Variants in PLEKHM1 observed in about 807,000 individuals in gnomAD.
The protein encoded by PLEKHM1 is pleckstrin homology domain-containing family M member 1.
Under a neutral mutation model 94.3 loss-of-function variants are expected in PLEKHM1, and 28 were observed. The observed-to-expected ratio is 0.30, with a 90% CI of 0.22 to 0.41. The LOEUF is 0.41. Ranked by LOEUF, PLEKHM1 falls within the 10% of genes least tolerant of loss-of-function variation. The probability of loss-of-function intolerance (pLI) is 1.00; values close to 1 mark genes in which losing one functional copy is unlikely to be tolerated. For missense variants in PLEKHM1, 907 were observed against 1,358.6 expected, an observed-to-expected ratio of 0.67 and a Z score of 5.22; for synonymous variants, 424 against 581.2, an observed-to-expected ratio of 0.73 and a Z score of 3.89.
rs1166718923 is a variant in PLEKHM1 at position 45,486,543 on chromosome 17, C to A, written c.-41-4018G>T. ...GAGCCAAGATTGTGCCACTGCACCCCAGCTTGGGCAACAGAGCGAGACTCC... is the reference window on the plus strand; with the variant it reads ...GAGCCAAGATTGTGCCACTGCACCCAAGCTTGGGCAACAGAGCGAGACTCC... On this transcript the variant is annotated intron_variant, in intron 1 of 11. Coordinates refer to ENST00000430334, the MANE Select transcript of PLEKHM1 (RefSeq NM_014798.3). Among the ~76,000 whole-genome samples the A allele has an allele frequency of 2.0e-5, 3 of 151,752 alleles. No homozygotes were observed. In the South Asian group the frequency reaches 6.3e-4, roughly 32 times the overall value.
chr17:45,474,433 TACTCTTCCAC>T (rs2051636604), intron 4 of PLEKHM1, among the ~76,000 whole-genome samples: 2 of 152,130 alleles, frequency 1.3e-5, no homozygotes, highest in South Asian at 2.1e-4. Context: ...CTGCCCCACA[TACTCTTCCAC>T]ACATCTGTCT....
Position 45,444,781 on chromosome 17 carries a change from C to G in PLEKHM1, c.2837+689G>C, listed in dbSNP as rs1197130106. Reference sequence around the variant, plus strand: ...CAAGTCTCACCTTATAAGTCACTTCCTCCAGGAAGTCCTTCCTGCTTTGTC... The same window carrying G: ...CAAGTCTCACCTTATAAGTCACTTCGTCCAGGAAGTCCTTCCTGCTTTGTC... On this transcript the variant is annotated intron_variant, in intron 9 of 11. Coordinates refer to ENST00000430334, the MANE Select transcript of PLEKHM1 (RefSeq NM_014798.3). This position sits in a 1 kb window ranked among gnomAD's most constrained non-coding sequence, Gnocchi z 5.0. Among the ~76,000 whole-genome samples the G allele has an allele frequency of 6.6e-6, 1 of 152,068 alleles. No individual in the cohort carries two copies. Among genetic ancestry groups the G allele is most frequent in the Non-Finnish European group, 1.5e-5 (1 of 68,000 alleles).
intron 1 of PLEKHM1, among the ~76,000 whole-genome samples, chr17:45,483,282 C>T (rs976739441): frequency 2.2e-4 from 34 of 151,760 alleles, no homozygotes; most frequent in Admixed American, 6.6e-4. Context: ...TTGTACCTGG[C>T]ATCTGTCATC....
At chr17:45,440,114 G>T in intron 10 of PLEKHM1, 49 bp downstream of exon 10, 1 of 1,521,628 alleles carries the variant, frequency 6.6e-7, no homozygotes, top group Non-Finnish European at 9.1e-7. Flanking sequence ...ACTTCTCTGG[G>T]AATGAAGTCT....
At chr17:45,457,855 T>C (rs2051014426) in intron 6 of PLEKHM1, among the ~76,000 whole-genome samples, 1 of 152,222 alleles carries the variant, frequency 6.6e-6, no homozygotes, top group African/African-American at 2.4e-5. Flanking sequence ...TGGGGCCGGA[T>C]GTGCTCTGAG....
chr17:45,480,800 C>A (rs981939278), intron 2 of PLEKHM1, among the ~76,000 whole-genome samples: 4 of 152,346 alleles, frequency 2.6e-5, no homozygotes, highest in African/African-American at 9.6e-5. Context: ...AGATATACCA[C>A]ATTTTATTCA....
chr17:45,460,922 T>C (rs2051132983), intron 5 of PLEKHM1, among the ~76,000 whole-genome samples: 1 of 152,206 alleles, frequency 6.6e-6, no homozygotes, highest in Non-Finnish European at 1.5e-5. Flanking sequence ...TCTTGCTCTG[T>C]CGCCCAGGCT....
chr17:45,470,901 C>G (rs939393249), intron 4 of PLEKHM1, among the ~76,000 whole-genome samples: 1 of 151,840 alleles, frequency 6.6e-6, no homozygotes, highest in African/African-American at 2.4e-5. Context: ...CTCCTGACCT[C>G]GTGATCCGCC....
At chr17:45,460,709 C>T (rs1305264930) in intron 5 of PLEKHM1, among the ~76,000 whole-genome samples, 1 of 152,084 alleles carries the variant, frequency 6.6e-6, no homozygotes, top group East Asian at 1.9e-4. Context: ...AGGCATGCAC[C>T]AGCATGCCCA....
At chr17:45,479,210 C>T (rs2051856783) in intron 2 of PLEKHM1, among the ~76,000 whole-genome samples, 1 of 152,034 alleles carries the variant, frequency 6.6e-6, no homozygotes, top group East Asian at 1.9e-4. Flanking sequence ...CCTGTCTCTA[C>T]TAAAAATGCA....
At chr17:45,458,021 G>A in intron 6 of PLEKHM1, 148 bp downstream of exon 6, 1 of 660,104 alleles carries the variant, frequency 1.5e-6, no homozygotes, top group Non-Finnish European at 2.6e-6. Context: ...GAATGAACAT[G>A]ATTATGATGG....
At chr17:45,488,118 T>C (rs909323638) in intron 1 of PLEKHM1, among the ~76,000 whole-genome samples, 1 of 152,226 alleles carries the variant, frequency 6.6e-6, no homozygotes. Context: ...TGAGAAACTT[T>C]TAGCTTGTGA....
At position 45,453,327 on chromosome 17, in the gene PLEKHM1, T is replaced by G; in HGVS notation, c.2497+28A>C. ...AGGAGGTGGAGTGAGGCTGGCAGGC[T>G]GGGGGTGGCAGCAGAGCAAATCGGC... On this transcript the variant is annotated intron_variant, in intron 7 of 11. Coordinates refer to ENST00000430334, the MANE Select transcript of PLEKHM1 (RefSeq NM_014798.3). This position sits in a 1 kb window ranked among gnomAD's most constrained non-coding sequence, Gnocchi z 4.1. The G allele has an allele frequency of 3.1e-6, 5 of 1,605,058 alleles. No individual in the cohort carries two copies. The highest frequency in any genetic ancestry group is 4.3e-6 in the Non-Finnish European group (5 of 1,175,752).
At chr17:45,465,063 C>G (rs1463250098) in intron 5 of PLEKHM1, among the ~76,000 whole-genome samples, 1 of 151,912 alleles carries the variant, frequency 6.6e-6, no homozygotes, top group East Asian at 1.9e-4. Flanking sequence ...GATGGGGGAA[C>G]AAAATAAACT....
At chr17:45,487,578 T>C (rs2145369057) in intron 1 of PLEKHM1, 2 of 393,362 alleles carry the variant, frequency 5.1e-6, no homozygotes, top group South Asian at 3.8e-5. Flanking sequence ...GTCTCAGAGC[T>C]ATACTTTCTT....
rs374684123 is a variant in PLEKHM1, at chr17:45,444,304, C to T, written c.2837+1166G>A. On this transcript the variant is annotated intron_variant, in intron 9 of 11. Transcript: ENST00000430334. This position sits in a 1 kb window ranked among gnomAD's most constrained non-coding sequence, Gnocchi z 5.0. ...GCTTCTCCGCCTGAGGTCTGCCCTC[C>T]TGAGGGTGCTGGGAGAGTACAGCCC... Among the ~76,000 whole-genome samples, 25 of 152,326 alleles carry T rather than the reference C, an allele frequency of 1.6e-4. No individual in the cohort carries two copies. The highest frequency in any genetic ancestry group is 5.8e-4 in the African/African-American group (24 of 41,566).
chr17:45,479,607 A>T (rs2051876182), intron 2 of PLEKHM1, among the ~76,000 whole-genome samples: 1 of 152,044 alleles, frequency 6.6e-6, no homozygotes, highest in Admixed American at 6.6e-5. Flanking sequence ...AATCACTTAA[A>T]CCCAGGAGGC....
chr17:45,446,756 C>A (rs1055721944), intron 8 of PLEKHM1, among the ~76,000 whole-genome samples: 1 of 152,208 alleles, frequency 6.6e-6, no homozygotes, highest in Non-Finnish European at 1.5e-5. Context: ...TATCCAGCAA[C>A]CTTTTCAAAT....
chr17:45,475,035 G>T lies in PLEKHM1; in HGVS notation c.923+65C>A. The T allele has an allele frequency of 4.5e-6, 7 of 1,551,562 alleles. 1 individual carries two copies. In the South Asian group the frequency reaches 7.9e-5, roughly 17 times the overall value. ...ACAATCACATGCTATGGGAAGAAAG[G>T]GAGGAGGAGAGGAAAGAAAGGAGGG... On this transcript the variant is annotated intron_variant, in intron 4 of 11. Coordinates refer to ENST00000430334, the MANE Select transcript of PLEKHM1 (RefSeq NM_014798.3).
Sources: gnomAD v4.1 joint callset for allele counts (sites outside exome capture counted in the v4.1 genomes callset) on GRCh38, gnomAD v4.1.1 for gene constraint, Gnocchi (gnomAD v3.1) non-coding constraint, MANE v1.5 for transcripts, NCBI Gene and HGNC (gene_info 2026-07-23, HGNC 2026-07-21) for gene names.